The following FOCAD variants were observed in gnomAD, a reference collection of about 807,000 sequenced individuals.
The protein encoded by FOCAD is KIAA1797.
Under a neutral mutation model 225.6 loss-of-function variants are expected in FOCAD, and 198 were observed. The ratio of observed to expected loss-of-function variants is 0.88; its 90% CI spans 0.78 to 0.99. FOCAD has a LOEUF of 0.99. Ranked by LOEUF, FOCAD falls within the 50% of genes least tolerant of loss-of-function variation. FOCAD has a pLI of 0.00. For missense variants in FOCAD, 2,713 were observed against 2,123.6 expected (o/e 1.28, Z -5.46); for synonymous variants, 897 against 755.0 (o/e 1.19, Z -3.08).
chr9:20,872,541 C>T (rs1162218068), intron 18 of FOCAD, among the ~76,000 whole-genome samples: 1 of 145,156 alleles, frequency 6.9e-6, no homozygotes, highest in Non-Finnish European at 1.5e-5. Context: ...CCCTCCCCCT[C>T]CTCCTCTTCT....
At chr9:20,825,090 G>A (rs1824733989) in intron 15 of FOCAD, among the ~76,000 whole-genome samples, 1 of 150,306 alleles carries the variant, frequency 6.7e-6, no homozygotes, top group Non-Finnish European at 1.5e-5. Flanking sequence ...TTCCTTTGAG[G>A]CTTGATGATG....
rs765146308 is a variant in FOCAD, at chr9:20,916,954, C to G, written c.2852+17C>G. The G allele has an allele frequency of 7.6e-6, 12 of 1,588,654 alleles. 1 individual carries two copies. The Middle Eastern group carries it at 5.0e-4, about 66-fold the overall frequency. ...AGCTGCAAAGTAAGATCCATTTAGT[C>G]TTTTATCAAACATTTTTTATAAATA... On this transcript the variant is annotated intron_variant, in intron 24 of 43. Coordinates refer to ENST00000338382, the MANE Select transcript of FOCAD (RefSeq NM_001375567.1).
In FOCAD at chr9:20,991,424, C is replaced by G. The variant is rs145663337; in HGVS notation, c.5256+1050C>G. 4.6e-3 allele frequency among the ~76,000 whole-genome samples: 697 copies of G among 152,240 alleles called. 3 individuals carry two copies. Among genetic ancestry groups the G allele is most frequent in the African/African-American group, 0.016 (658 of 41,530 alleles). On this transcript the variant is annotated intron_variant, in intron 42 of 43. Coordinates refer to ENST00000338382, the MANE Select transcript of FOCAD (RefSeq NM_001375567.1). Reference sequence around the variant, plus strand: ...ACCCATAGTTTAGCTATGCACAACTCCACCAAGTATCTCAACTAAAATGCC... The same window carrying G: ...ACCCATAGTTTAGCTATGCACAACTGCACCAAGTATCTCAACTAAAATGCC...
intron 35 of FOCAD, among the ~76,000 whole-genome samples, chr9:20,955,205 C>G (rs1409347574): frequency 6.6e-6 from 1 of 152,154 alleles, no homozygotes; most frequent in Non-Finnish European, 1.5e-5. Context: ...CTGCTTGCTA[C>G]TTTTAACTTC....
intron 28 of FOCAD, among the ~76,000 whole-genome samples, chr9:20,933,307 T>C (rs1354778481): frequency 6.6e-6 from 1 of 152,210 alleles, no homozygotes; most frequent in Non-Finnish European, 1.5e-5. Context: ...CCAAGCAGTA[T>C]ACACTGCACA....
chr9:20,949,586 T>G lies in FOCAD; in HGVS notation c.3877-18T>G. 1 of 1,610,756 alleles carries G rather than the reference T, an allele frequency of 6.2e-7. No individual in the cohort carries two copies. Among genetic ancestry groups the G allele is most frequent in the Non-Finnish European group, 8.5e-7 (1 of 1,177,404 alleles). ...TTATGGGGGTGGGTGGGATGGGTATTTCTTCTTATTCTTTCAGCTGAAATC... is the reference window on the plus strand; with the variant it reads ...TTATGGGGGTGGGTGGGATGGGTATGTCTTCTTATTCTTTCAGCTGAAATC... On this transcript the variant is annotated intron_variant, in intron 32 of 43. Coordinates refer to ENST00000338382, the MANE Select transcript of FOCAD (RefSeq NM_001375567.1).
chr9:20,874,930 G>A, intron 19 of FOCAD, 123 bp downstream of exon 19: 1 of 1,230,028 alleles, frequency 8.1e-7, no homozygotes, highest in South Asian at 1.3e-5. Flanking sequence ...TAACCAGAAT[G>A]TTAAATGCAC....
At chr9:20,859,124 C>T (rs762217814) in intron 15 of FOCAD, among the ~76,000 whole-genome samples, 69 of 152,202 alleles carry the variant, frequency 4.5e-4, no homozygotes, top group Non-Finnish European at 8.7e-4. Context: ...CCTGTAATCC[C>T]AGCACTTCGG....
At chr9:20,883,772 C>T (rs1439270667) in intron 20 of FOCAD, among the ~76,000 whole-genome samples, 1 of 152,146 alleles carries the variant, frequency 6.6e-6, no homozygotes, top group Non-Finnish European at 1.5e-5. Context: ...ACACTGTTTC[C>T]CCTCTAGGGA....
At chr9:20,683,584 G>C (rs563340625), upstream of FOCAD, 37 of 152,068 alleles carry the variant, frequency 2.4e-4, no homozygotes, top group Non-Finnish European at 4.3e-4. Flanking sequence ...CATTCAGTAA[G>C]TATTGCGCAA....
intron 2 of FOCAD, among the ~76,000 whole-genome samples, chr9:20,661,566 G>T (rs572224340): frequency 1.3e-5 from 2 of 152,274 alleles, no homozygotes; most frequent in South Asian, 4.1e-4. Context: ...CTGTTAAACT[G>T]AGATATTCTC....
intron 11 of FOCAD, among the ~76,000 whole-genome samples, chr9:20,795,035 G>A (rs955095752): frequency 5.9e-5 from 9 of 152,072 alleles, no homozygotes; most frequent in Non-Finnish European, 1.0e-4. Context: ...TTAAATAATT[G>A]TTTATGTAAA....
At chr9:20,890,059 A>G (rs948714639) in intron 21 of FOCAD, among the ~76,000 whole-genome samples, 7 of 152,186 alleles carry the variant, frequency 4.6e-5, no homozygotes, top group Admixed American at 3.3e-4. Flanking sequence ...TACTAAACCA[A>G]CTTATATATT....
intron 10 of FOCAD, among the ~76,000 whole-genome samples, chr9:20,786,467 CTTGAGGG>C (rs1819932981): frequency 6.6e-6 from 1 of 152,116 alleles, no homozygotes; most frequent in Non-Finnish European, 1.5e-5. Context: ...GAAAGGCTCT[CTTGAGGG>C]TTTATGTAGT....
intron 4 of FOCAD, among the ~76,000 whole-genome samples, chr9:20,738,594 T>C (rs1827340689): frequency 6.6e-6 from 1 of 152,214 alleles, no homozygotes. Context: ...CCATGAGTTA[T>C]ACTGAATGGT....
chr9:20,689,468 G>T (rs1396187494), intron 1 of FOCAD, among the ~76,000 whole-genome samples: 1 of 152,078 alleles, frequency 6.6e-6, no homozygotes, highest in Admixed American at 6.5e-5. Flanking sequence ...GTGGGATGGG[G>T]TAAGTGGTCT....
At chr9:20,994,095 C>T (rs531849214) in intron 43 of FOCAD, among the ~76,000 whole-genome samples, 1 of 152,294 alleles carries the variant, frequency 6.6e-6, no homozygotes, top group South Asian at 2.1e-4. Flanking sequence ...CTTTTTCAAA[C>T]ATCTAAACCT....
chr9:20,916,858 C>G, intron 23 of FOCAD, 35 bp from the exon 24 acceptor site: 1 of 1,575,760 alleles, frequency 6.3e-7, no homozygotes, highest in Non-Finnish European at 8.6e-7. Flanking sequence ...CTTGTTCTAA[C>G]ATAAACTCTC....
At chr9:20,778,383 AATTTTTTTGT>A (rs1398505814) in intron 8 of FOCAD, among the ~76,000 whole-genome samples, 3 of 151,820 alleles carry the variant, frequency 2.0e-5, no homozygotes, top group Admixed American at 6.6e-5. Context: ...TAGCCTGGCT[AATTTTTTTGT>A]ATTTTTTTGA....
Sources: gnomAD v4.1 joint callset for allele counts (sites outside exome capture counted in the v4.1 genomes callset) on GRCh38, gnomAD v4.1.1 for gene constraint, MANE v1.5 for transcripts, NCBI Gene and HGNC (gene_info 2026-07-23, HGNC 2026-07-21) for gene names.